STIM2: variants seen among roughly 807,000 people sequenced by gnomAD.
The protein encoded by STIM2 is stromal interaction molecule 2.
A neutral mutation model predicts 85.8 loss-of-function variants in STIM2; 31 were observed. The observed-to-expected ratio is 0.36, with a 90% confidence interval of 0.27 to 0.49. STIM2 has a LOEUF of 0.49. Among genes scored for constraint, STIM2 ranks in the 20% least tolerant of loss-of-function variants. The probability of loss-of-function intolerance (pLI) is 0.98; values close to 1 mark genes in which losing one functional copy is unlikely to be tolerated. For synonymous variants in STIM2, 356 were observed against 331.1 expected (o/e 1.08, Z -0.82); for missense variants, 841 against 927.6 (o/e 0.91, Z 1.21).
At chr4:26,966,534 A>G (rs1489193071) in intron 3 of STIM2, among the ~76,000 whole-genome samples, 2 of 152,076 alleles carry the variant, frequency 1.3e-5, no homozygotes, top group Non-Finnish European at 2.9e-5. Context: ...TTTTCCCCCC[A>G]TTTAACTGAA....
At chr4:26,906,082 A>T (rs1251835109) in intron 1 of STIM2, among the ~76,000 whole-genome samples, 2 of 152,194 alleles carry the variant, frequency 1.3e-5, no homozygotes, top group Non-Finnish European at 2.9e-5. Context: ...GATATTATAG[A>T]ATACTGTGCA....
rs182510174 is a variant in STIM2 at position 26,867,054 on chromosome 4, A to G, written c.151+5685A>G. Among the ~76,000 whole-genome samples the G allele has an allele frequency of 4.8e-3, 727 of 152,246 alleles. 4 individuals are homozygous for G. Among genetic ancestry groups the G allele is most frequent in the Non-Finnish European group, 7.7e-3 (521 of 68,006 alleles). ...CAATGAGGAGATAACAGAGATAAGG[A>G]TATCAGTTAGGAAACTATTTAGAAG... On this transcript the variant is annotated intron_variant, in intron 1 of 11. Transcript: ENST00000467087.
chr4:26,954,369 C>A lies in STIM2; in HGVS notation c.283-3243C>A, dbSNP rs530842484. The stretch of plus-strand genomic sequence containing the variant: ...TTATGTACCTTGTCAATTTAGGATT[C>A]CCTATAGTAGGTTTGCATATAATTG... On this transcript the variant is annotated intron_variant, in intron 2 of 11. Transcript: ENST00000467087. Among the ~76,000 whole-genome samples, 3 of 125,506 alleles carry A rather than the reference C, an allele frequency of 2.4e-5. No individual in the cohort carries two copies. The South Asian group carries it at 7.5e-4, about 31-fold the overall frequency. The allele number at this position is 125,506 out of a possible 152,430, so 82.3% of individuals were successfully genotyped here.
chr4:26,997,927 T>C (rs1321841572), intron 4 of STIM2, among the ~76,000 whole-genome samples: 3 of 152,240 alleles, frequency 2.0e-5, no homozygotes, highest in Non-Finnish European at 2.9e-5. Context: ...TAGAGAGTAC[T>C]GATATCTTTC....
chr4:26,976,819 A>C (rs1727218623), intron 3 of STIM2, among the ~76,000 whole-genome samples: 1 of 152,114 alleles, frequency 6.6e-6, no homozygotes, highest in Non-Finnish European at 1.5e-5. Flanking sequence ...AACAAAAAAA[A>C]TTATTTTTCC....
At chr4:26,861,520 C>G (rs1722193205) in intron 1 of STIM2, 151 bp downstream of exon 1, 6 of 1,154,736 alleles carry the variant, frequency 5.2e-6, no homozygotes, top group Non-Finnish European at 6.5e-6. Context: ...CGTCGCGGTC[C>G]CCTGCACTCC....
intron 10 of STIM2, among the ~76,000 whole-genome samples, chr4:27,010,362 T>G (rs1195871180): frequency 1.3e-5 from 2 of 152,144 alleles, no homozygotes; most frequent in Non-Finnish European, 2.9e-5. Flanking sequence ...GAGAAACGCT[T>G]GAACCCTGGA....
chr4:27,004,548 C>G lies in STIM2; in HGVS notation c.981+1444C>G, dbSNP rs538573531. On this transcript the variant is annotated intron_variant, in intron 7 of 11. Transcript: ENST00000467087. ...AATCAGAAAACAGTAGTTTGGAATT[C>G]TTCTACAGAGATATAAACTGATGGT... Among the ~76,000 whole-genome samples, 3 of 152,162 alleles carry G rather than the reference C, an allele frequency of 2.0e-5. No individual in the cohort carries two copies. The South Asian group carries it at 6.2e-4, about 32-fold the overall frequency.
intron 1 of STIM2, among the ~76,000 whole-genome samples, chr4:26,875,783 A>C (rs1722794756): frequency 6.6e-6 from 1 of 152,158 alleles, no homozygotes; most frequent in South Asian, 2.1e-4. Context: ...TGAAAAACAG[A>C]CCTTTGGGAA....
chr4:26,989,666 C>T (rs1435916260), intron 3 of STIM2, among the ~76,000 whole-genome samples: 5 of 152,120 alleles, frequency 3.3e-5, no homozygotes, highest in East Asian at 3.9e-4. Flanking sequence ...AAAGGGAAGA[C>T]GTCAAATTAT....
At chr4:27,021,448 C>T (rs1423432775) in intron 11 of STIM2, 1 of 456,272 alleles carries the variant, frequency 2.2e-6, no homozygotes, top group Non-Finnish European at 4.4e-6. Flanking sequence ...GCAGAGGGAA[C>T]AGCAAATGCA....
intron 1 of STIM2, among the ~76,000 whole-genome samples, chr4:26,900,843 G>A (rs1049849535): frequency 4.6e-5 from 7 of 152,128 alleles, no homozygotes; most frequent in Admixed American, 2.0e-4. Context: ...TTATCCCCTG[G>A]AAGGGGACTT....
At chr4:26,944,314 A>C (rs1725732020) in intron 2 of STIM2, among the ~76,000 whole-genome samples, 1 of 152,138 alleles carries the variant, frequency 6.6e-6, no homozygotes, top group Non-Finnish European at 1.5e-5. Context: ...CAAAATATTT[A>C]AGTATTTTTA....
Position 27,008,459 on chromosome 4 carries a change from T to G in STIM2, c.1181T>G (p.Val394Gly), listed in dbSNP as rs781540546. 1 of 1,598,522 alleles carries G rather than the reference T, an allele frequency of 6.3e-7. No homozygotes were observed. Among genetic ancestry groups the G allele is most frequent in the Non-Finnish European group, 8.5e-7 (1 of 1,173,610 alleles). ...AAAATTAAAAAGAAGAGAAGCACAGTCTTTGGGACTCTGCACGTTGCACAC... is the reference window on the plus strand; with the variant it reads ...AAAATTAAAAAGAAGAGAAGCACAGGCTTTGGGACTCTGCACGTTGCACAC... The change falls in exon 9 of 12, where the codon GTC becomes GGC. Residue 394 changes from valine to glycine, a missense_variant. Transcript: ENST00000467087.
rs368768594 is a variant in STIM2, at chr4:26,865,125, TTC to T, written c.151+3760_151+3761del. On this transcript the variant is annotated intron_variant, in intron 1 of 11. Coordinates refer to ENST00000467087, the MANE Select transcript of STIM2 (RefSeq NM_020860.4). Reference sequence around the variant, plus strand: ...CTTCCTAAAGCCATCATTTACTGTATTCTCTTTCTCTTTCCCCTTTAGTATCA... The same window carrying T: ...CTTCCTAAAGCCATCATTTACTGTATTCTTTCTCTTTCCCCTTTAGTATCA... Among the ~76,000 whole-genome samples, 463 of 152,314 alleles carry T rather than the reference TTC, an allele frequency of 3.0e-3. 1 individual carries two copies. Among genetic ancestry groups the T allele is most frequent in the African/African-American group, 0.01 (433 of 41,576 alleles).
intron 2 of STIM2, among the ~76,000 whole-genome samples, chr4:26,955,100 G>A (rs1487317972): frequency 6.9e-6 from 1 of 145,866 alleles, no homozygotes; most frequent in Admixed American, 6.7e-5. Context: ...GGAATTCTTA[G>A]GAGTTCTTTT....
intron 10 of STIM2, among the ~76,000 whole-genome samples, chr4:27,014,533 G>A (rs868217850): frequency 1.3e-5 from 2 of 150,722 alleles, no homozygotes; most frequent in Middle Eastern, 6.8e-3. Context: ...ATTTCTACTT[G>A]TGCGTGATTA....
chr4:26,883,814 T>C (rs938366033), intron 1 of STIM2, among the ~76,000 whole-genome samples: 2 of 152,134 alleles, frequency 1.3e-5, no homozygotes, highest in African/African-American at 4.8e-5. Flanking sequence ...AGTGTTAGAG[T>C]GTGTAGCTGT....
intron 1 of STIM2, among the ~76,000 whole-genome samples, chr4:26,917,521 T>TGA (rs540944530): frequency 2.0e-5 from 3 of 152,168 alleles, no homozygotes; most frequent in African/African-American, 7.2e-5. Flanking sequence ...GAAGTAGACT[T>TGA]GAGAGAGAGT....
Sources: gnomAD v4.1 joint callset for allele counts (sites outside exome capture counted in the v4.1 genomes callset) on GRCh38, gnomAD v4.1.1 for gene constraint, MANE v1.5 for transcripts, NCBI Gene and HGNC (gene_info 2026-07-23, HGNC 2026-07-21) for gene names.